The following KCNQ5 variants were observed in gnomAD, a reference collection of about 807,000 sequenced individuals.
The protein encoded by KCNQ5 is potassium voltage-gated channel subfamily KQT member 5.
Under a neutral mutation model 98.2 loss-of-function variants are expected in KCNQ5, and 30 were observed. That is an observed-to-expected ratio of 0.31 (90% CI 0.23 to 0.41). The LOEUF (loss-of-function observed/expected upper bound fraction) is 0.41. Ranked by LOEUF, KCNQ5 falls within the 10% of genes least tolerant of loss-of-function variation. KCNQ5 has a pLI of 1.00. For synonymous variants in KCNQ5, 458 were observed against 449.4 expected, an observed-to-expected ratio of 1.02 and a Z score of -0.24; for missense variants, 835 against 1,182.5, an observed-to-expected ratio of 0.71 and a Z score of 4.31.
chr6:72,889,645 AC>A (rs1778983509), intron 1 of KCNQ5, among the ~76,000 whole-genome samples: 1 of 152,210 alleles, frequency 6.6e-6, no homozygotes, highest in African/African-American at 2.4e-5. Context: ...TTTCAGTGGC[AC>A]AAAGAAGAGA....
rs1026526038 is a variant in KCNQ5, at chr6:73,166,422, T to A, written c.1469-3324T>A. ...CTGCACTTGAGCCTGGGTGACAGAG[T>A]GAGACTCTGTCTCAAAATAAAAAAA... On this transcript the variant is annotated intron_variant, in intron 10 of 13. Coordinates refer to ENST00000370398, the MANE Select transcript of KCNQ5 (RefSeq NM_019842.4). Among the ~76,000 whole-genome samples the A allele has an allele frequency of 2.1e-5, 3 of 141,202 alleles. No individual in the cohort carries two copies. In the Admixed American group the frequency reaches 2.2e-4, roughly 10 times the overall value. The allele number at this position is 141,202 out of a possible 152,430, so 92.6% of individuals were successfully genotyped here.
chr6:73,169,673 C>T (rs1220320977), intron 10 of KCNQ5, 73 bp from the exon 11 acceptor site: 10 of 1,075,686 alleles, frequency 9.3e-6, no homozygotes, highest in African/African-American at 1.5e-5. Context: ...GCCATTTCCA[C>T]GTGAGAAAAA....
chr6:73,144,318 T>TAATG (rs1391625004), intron 10 of KCNQ5, among the ~76,000 whole-genome samples: 1 of 152,184 alleles, frequency 6.6e-6, no homozygotes, highest in Non-Finnish European at 1.5e-5. Context: ...TTGCCATGTA[T>TAATG]AATGCATAAC....
intron 1 of KCNQ5, among the ~76,000 whole-genome samples, chr6:72,806,381 G>A (rs1261119869): frequency 6.6e-6 from 1 of 152,078 alleles, no homozygotes; most frequent in Admixed American, 6.6e-5. Context: ...GCAAAAATGG[G>A]ATTGGCTTGA....
Position 72,878,735 on chromosome 6 carries a change from A to C in KCNQ5, c.399-125173A>C, listed in dbSNP as rs369034381. ...ATGAAGTTCATTTTACCTTTAAATT[A>C]GATTTTATTAAGGCTTGTTAAAAAC... On this transcript the variant is annotated intron_variant, in intron 1 of 13. Transcript: ENST00000370398. Among the ~76,000 whole-genome samples the C allele has an allele frequency of 1.2e-4, 18 of 152,324 alleles. No individual in the cohort carries two copies. The East Asian group carries it at 2.1e-3, about 18-fold the overall frequency.
In KCNQ5 at chr6:72,659,780, A is replaced by G. The variant is rs2154472841; in HGVS notation, c.398+37193A>G. 2.0e-5 allele frequency among the ~76,000 whole-genome samples: 3 copies of G among 152,350 alleles called. No individual in the cohort carries two copies. The East Asian group carries it at 5.8e-4, about 29-fold the overall frequency. ...ATCACTTAGGAGACGGATTGTCAAT[A>G]TATAAATTTGGAGGGATACATTTAG... is the stretch of plus-strand genomic sequence containing the variant. On this transcript the variant is annotated intron_variant, in intron 1 of 13. Coordinates refer to ENST00000370398, the MANE Select transcript of KCNQ5 (RefSeq NM_019842.4).
chr6:73,119,784 C>G (rs1425395949), intron 7 of KCNQ5, among the ~76,000 whole-genome samples: 9 of 133,138 alleles, frequency 6.8e-5, no homozygotes, highest in Non-Finnish European at 1.3e-4. Context: ...AATGTATGCT[C>G]ATGCTCAAGT....
intron 1 of KCNQ5, among the ~76,000 whole-genome samples, chr6:72,961,555 G>C (rs1486819020): frequency 1.3e-5 from 2 of 150,866 alleles, no homozygotes; most frequent in African/African-American, 4.9e-5. Flanking sequence ...CCGGGAGGCG[G>C]AGCTTGCAGT....
At position 73,056,846 on chromosome 6, in the gene KCNQ5, G is replaced by A. The variant is rs147189440; in HGVS notation, c.616+14784G>A. On this transcript the variant is annotated intron_variant, in intron 3 of 13. Coordinates refer to ENST00000370398, the MANE Select transcript of KCNQ5 (RefSeq NM_019842.4). ...GGAAACAACAGGTGCTGGAGAGGAT[G>A]TGGAGAAATAGGAACATTTTTACAC... Among the ~76,000 whole-genome samples, 1,358 of 152,258 alleles carry A rather than the reference G, an allele frequency of 8.9e-3. 9 individuals carry two copies. Among genetic ancestry groups the A allele is most frequent in the East Asian group, 0.049 (256 of 5,180 alleles).
intron 1 of KCNQ5, among the ~76,000 whole-genome samples, chr6:72,822,847 G>T (rs1005392533): frequency 1.1e-4 from 16 of 152,120 alleles, no homozygotes; most frequent in Non-Finnish European, 2.4e-4. Context: ...CCTCCTGGAA[G>T]CTATAGGAGA....
At chr6:72,884,268 G>A (rs1778765578) in intron 1 of KCNQ5, among the ~76,000 whole-genome samples, 1 of 152,088 alleles carries the variant, frequency 6.6e-6, no homozygotes, top group Non-Finnish European at 1.5e-5. Context: ...CACAGCTCAT[G>A]CTATATTAAA....
At chr6:72,680,716 A>C (rs1396174963) in intron 1 of KCNQ5, among the ~76,000 whole-genome samples, 3 of 152,182 alleles carry the variant, frequency 2.0e-5, no homozygotes, top group Non-Finnish European at 4.4e-5. Context: ...CATTGTCTAG[A>C]ACTCCCCCCA....
intron 1 of KCNQ5, among the ~76,000 whole-genome samples, chr6:72,985,567 C>T (rs1166790405): frequency 2.0e-5 from 3 of 152,112 alleles, no homozygotes; most frequent in Non-Finnish European, 4.4e-5. Flanking sequence ...ATCAAAAAGC[C>T]TGATTTTCCA....
intron 1 of KCNQ5, among the ~76,000 whole-genome samples, chr6:72,691,340 T>C (rs1189564274): frequency 6.6e-6 from 1 of 152,226 alleles, no homozygotes; most frequent in African/African-American, 2.4e-5. Flanking sequence ...CCAATGCCAC[T>C]GGAATAATTC....
intron 10 of KCNQ5, chr6:73,157,839 T>C (rs1562211574): frequency 5.1e-6 from 4 of 779,594 alleles, no homozygotes; most frequent in African/African-American, 1.7e-5. Context: ...TGGCAAACTC[T>C]AGCCTCATGA....
chr6:72,683,468 C>G (rs376760685), intron 1 of KCNQ5, among the ~76,000 whole-genome samples: 3 of 150,460 alleles, frequency 2.0e-5, no homozygotes, highest in Admixed American at 6.7e-5. Context: ...CCCGGGTTCA[C>G]GCCATTCTCC....
chr6:72,891,721 G>T (rs1779065806), intron 1 of KCNQ5, among the ~76,000 whole-genome samples: 1 of 151,970 alleles, frequency 6.6e-6, no homozygotes, highest in South Asian at 2.1e-4. Context: ...CTAAAATAAA[G>T]AAATATATAA....
At chr6:72,659,848 A>T (rs1170373489) in intron 1 of KCNQ5, among the ~76,000 whole-genome samples, 5 of 152,184 alleles carry the variant, frequency 3.3e-5, no homozygotes, top group African/African-American at 1.2e-4. Context: ...CAAAATTTTG[A>T]ATTATCTTGT....
At chr6:72,939,266 G>A (rs1428675560) in intron 1 of KCNQ5, among the ~76,000 whole-genome samples, 1 of 152,162 alleles carries the variant, frequency 6.6e-6, no homozygotes, top group African/African-American at 2.4e-5. Flanking sequence ...CACAAAGCAA[G>A]CAGGACAGAA....
Sources: gnomAD v4.1 joint callset for allele counts (sites outside exome capture counted in the v4.1 genomes callset) on GRCh38, gnomAD v4.1.1 for gene constraint, MANE v1.5 for transcripts, NCBI Gene and HGNC (gene_info 2026-07-23, HGNC 2026-07-21) for gene names.